Variants in ENOX1 observed in about 807,000 individuals in gnomAD.
The protein encoded by ENOX1 is ecto-NOX disulfide-thiol exchanger 1.
Under a neutral mutation model 82.5 loss-of-function variants are expected in ENOX1, and 42 were observed. The observed-to-expected ratio is 0.51, with a 90% confidence interval of 0.40 to 0.66. The LOEUF (loss-of-function observed/expected upper bound fraction) is 0.66, where lower values mean the gene tolerates loss of function less well. ENOX1 is among the 30% of genes least tolerant of loss of function. The probability of loss-of-function intolerance (pLI) is 0.00; values close to 1 mark genes in which losing one functional copy is unlikely to be tolerated. For synonymous variants in ENOX1, 271 were observed against 282.2 expected (o/e 0.96, Z 0.40); for missense variants, 608 against 811.6 (o/e 0.75, Z 3.05).
intron 2 of ENOX1, among the ~76,000 whole-genome samples, chr13:43,659,528 T>C (rs2084615192): frequency 6.6e-6 from 1 of 152,116 alleles, no homozygotes; most frequent in South Asian, 2.1e-4. Context: ...TAAGGTTGTT[T>C]CCTCCAAGTT....
At chr13:43,416,182 G>A (rs1233678445) in intron 3 of ENOX1, among the ~76,000 whole-genome samples, 1 of 134,304 alleles carries the variant, frequency 7.4e-6, no homozygotes, top group Non-Finnish European at 1.6e-5. Flanking sequence ...GGACAGAAGC[G>A]CTCCTCACAT....
intron 3 of ENOX1, among the ~76,000 whole-genome samples, chr13:43,462,413 A>T (rs925312959): frequency 6.6e-6 from 1 of 152,226 alleles, no homozygotes; most frequent in African/African-American, 2.4e-5. Context: ...GTCAGTTGGC[A>T]AAATTAACAT....
chr13:43,479,744 C>T (rs918396823), intron 3 of ENOX1, among the ~76,000 whole-genome samples: 7 of 152,150 alleles, frequency 4.6e-5, no homozygotes, highest in Non-Finnish European at 8.8e-5. Flanking sequence ...CACCCAGCTC[C>T]ATCTTTCTGC....
chr13:43,334,942 G>A (rs1032196931), intron 9 of ENOX1, among the ~76,000 whole-genome samples: 2 of 152,206 alleles, frequency 1.3e-5, no homozygotes, highest in East Asian at 1.9e-4. Flanking sequence ...TAGACGGGAA[G>A]AGAGAGTTGG....
Position 43,504,689 on chromosome 13 carries a change from A to G in ENOX1, c.-218-20537T>C, listed in dbSNP as rs79734676. Among the ~76,000 whole-genome samples, 1,320 of 151,756 alleles carry G rather than the reference A, an allele frequency of 8.7e-3. 6 individuals are homozygous for G. Among genetic ancestry groups the G allele is most frequent in the Non-Finnish European group, 0.013 (894 of 67,722 alleles). On this transcript the variant is annotated intron_variant, in intron 2 of 16. Transcript: ENST00000690772. ...AGGGCAAAATGTGGAGGTATTAGTC[A>G]AAGGGTAAAAATGTTCAGTTATAAA...
At chr13:43,645,701 T>G (rs1165063371) in intron 2 of ENOX1, among the ~76,000 whole-genome samples, 4 of 148,768 alleles carry the variant, frequency 2.7e-5, no homozygotes, top group Non-Finnish European at 4.4e-5. Flanking sequence ...TCCAAATTAT[T>G]TAGTAGAACT....
At chr13:43,644,486 G>GA (rs1332239137) in intron 2 of ENOX1, among the ~76,000 whole-genome samples, 3 of 152,150 alleles carry the variant, frequency 2.0e-5, no homozygotes, top group South Asian at 2.1e-4. Context: ...TAGATAACTA[G>GA]AAAAATAATA....
intron 2 of ENOX1, among the ~76,000 whole-genome samples, chr13:43,650,338 A>C (rs2084099516): frequency 6.6e-6 from 1 of 152,170 alleles, no homozygotes; most frequent in Non-Finnish European, 1.5e-5. Context: ...ACCCTTTAAA[A>C]ATGCATAAAC....
chr13:43,353,690 A>C (rs1298276062), intron 8 of ENOX1, among the ~76,000 whole-genome samples: 1 of 152,216 alleles, frequency 6.6e-6, no homozygotes, highest in Non-Finnish European at 1.5e-5. Flanking sequence ...GAAATTGTCA[A>C]GCTTGATATT....
At position 43,612,091 on chromosome 13, in the gene ENOX1, T is replaced by G. The variant is rs148339495; in HGVS notation, c.-219+55388A>C. On this transcript the variant is annotated intron_variant, in intron 2 of 16. Transcript: ENST00000690772. ...AAAGAGTTCCTGGTAATTTGTTTTG[T>G]GGGTAGAGTTGATGAGGGGTGACTA... 5.6e-4 allele frequency among the ~76,000 whole-genome samples: 85 copies of G among 152,270 alleles called. 1 individual carries two copies. In the East Asian group the frequency reaches 0.015, roughly 27 times the overall value.
At chr13:43,661,157 C>T (rs1260504709) in intron 2 of ENOX1, among the ~76,000 whole-genome samples, 1 of 152,190 alleles carries the variant, frequency 6.6e-6, no homozygotes, top group Non-Finnish European at 1.5e-5. Context: ...GCCCCTGCAA[C>T]TCTCAAGTCT....
chr13:43,670,736 A>G (rs1248930469), intron 1 of ENOX1, among the ~76,000 whole-genome samples: 2 of 151,928 alleles, frequency 1.3e-5, no homozygotes, highest in African/African-American at 2.4e-5. Flanking sequence ...CCAGCTACTC[A>G]GGAGGCTGAG....
chr13:43,384,287 T>C (rs1448191719), intron 5 of ENOX1, among the ~76,000 whole-genome samples: 2 of 152,192 alleles, frequency 1.3e-5, no homozygotes, highest in South Asian at 2.1e-4. Context: ...TGCCTCCTTA[T>C]GGCAAGCACA....
intron 11 of ENOX1, among the ~76,000 whole-genome samples, chr13:43,298,772 T>TTCCTCCCAAATTC (rs2046413322): frequency 1.3e-5 from 2 of 152,242 alleles, no homozygotes; most frequent in African/African-American, 4.8e-5. Context: ...ACAGGATTAA[T>TTCCTCCCAAATTC]TCCTCCCAAA....
intron 1 of ENOX1, among the ~76,000 whole-genome samples, chr13:43,672,115 T>G (rs2085297705): frequency 6.6e-6 from 1 of 152,120 alleles, no homozygotes. Flanking sequence ...AGAGCGAGCT[T>G]CCTGTTAACC....
At chr13:43,542,208 C>T (rs533436016) in intron 2 of ENOX1, among the ~76,000 whole-genome samples, 134 of 151,310 alleles carry the variant, frequency 8.9e-4, no homozygotes, top group Non-Finnish European at 1.6e-3. Context: ...GGCGTGATCT[C>T]GGCTCACTGC....
intron 2 of ENOX1, among the ~76,000 whole-genome samples, chr13:43,555,512 G>A (rs934233207): frequency 1.5e-4 from 23 of 152,264 alleles, no homozygotes; most frequent in Non-Finnish European, 8.8e-5. Flanking sequence ...AGGAAAAGGG[G>A]AATATGGTCT....
Position 43,251,001 on chromosome 13 carries a change from C to T in ENOX1, c.1612-14263G>A, listed in dbSNP as rs548966864. On this transcript the variant is annotated intron_variant, in intron 14 of 16. Transcript: ENST00000690772. ...TGGGAGCTTACTAGAAATGCAAATT[C>T]TCAGGCCCCAGCTTGGACCTGCCCA... Among the ~76,000 whole-genome samples, 13 of 152,256 alleles carry T rather than the reference C, an allele frequency of 8.5e-5. No individual in the cohort carries two copies. The South Asian group carries it at 1.5e-3, about 17-fold the overall frequency.
intron 2 of ENOX1, among the ~76,000 whole-genome samples, chr13:43,552,488 G>A (rs910071363): frequency 6.6e-6 from 1 of 152,032 alleles, no homozygotes; most frequent in East Asian, 1.9e-4. Context: ...AAACCTTGCT[G>A]GTTAAATAAT....
Sources: gnomAD v4.1 joint callset for allele counts (sites outside exome capture counted in the v4.1 genomes callset) on GRCh38, gnomAD v4.1.1 for gene constraint, MANE v1.5 for transcripts, NCBI Gene and HGNC (gene_info 2026-07-23, HGNC 2026-07-21) for gene names.